Variants in RASGEF1A observed in about 807,000 individuals in gnomAD.
The protein encoded by RASGEF1A is RasGEF domain family member 1A, also known as ras-GEF domain-containing family member 1A.
In RASGEF1A, 18 loss-of-function variants were observed where a neutral mutation model predicts 56.4. The ratio of observed to expected loss-of-function variants is 0.32; its 90% CI spans 0.22 to 0.47. RASGEF1A has a LOEUF of 0.47. RASGEF1A is among the 20% of genes least tolerant of loss of function. The pLI, the probability that RASGEF1A is intolerant of heterozygous loss-of-function variation, is 1.00. For synonymous variants in RASGEF1A, 245 were observed against 242.6 expected (o/e 1.01, Z -0.09); for missense variants, 422 against 627.1 (o/e 0.67, Z 3.49).
chr10:43,199,467 C>A (rs1418458688), intron 7 of RASGEF1A, among the ~76,000 whole-genome samples: 1 of 152,154 alleles, frequency 6.6e-6, no homozygotes, highest in Non-Finnish European at 1.5e-5. Flanking sequence ...GTGCTGGGCA[C>A]AAGGGGAGCA....
chr10:43,196,637 A>G lies in RASGEF1A; in HGVS notation c.1349-89T>C. 2 of 1,223,040 alleles carry G rather than the reference A, an allele frequency of 1.6e-6. No homozygotes were observed. Among genetic ancestry groups the G allele is most frequent in the Non-Finnish European group, 2.4e-6 (2 of 835,748 alleles). 75.8% of individuals were successfully genotyped at this position (1,223,040 alleles called of 1,614,324 possible). On this transcript the variant is annotated intron_variant, in intron 11 of 12. Coordinates refer to ENST00000395810, the MANE Select transcript of RASGEF1A (RefSeq NM_145313.4). This position sits in a 1 kb window ranked among gnomAD's most constrained non-coding sequence, Gnocchi z 4.6. ...TCCCTTCAGGAGTACAGCCCAGCAC[A>G]AGGGGACAGTGACCTCTGGCTGGGC... is the stretch of plus-strand genomic sequence containing the variant.
intron 1 of RASGEF1A, among the ~76,000 whole-genome samples, chr10:43,243,487 C>A (rs1272996843): frequency 6.8e-6 from 1 of 146,466 alleles, no homozygotes; most frequent in East Asian, 2.1e-4. Context: ...CGGCCGCCAC[C>A]CCATCTGGGA....
intron 1 of RASGEF1A, among the ~76,000 whole-genome samples, chr10:43,219,020 G>T (rs1840172465): frequency 6.6e-6 from 1 of 152,208 alleles, no homozygotes; most frequent in African/African-American, 2.4e-5. Context: ...GGCCTGCTCA[G>T]GGCATAGAAC....
chr10:43,238,549 T>A (rs761207383), intron 1 of RASGEF1A, among the ~76,000 whole-genome samples: 17 of 152,360 alleles, frequency 1.1e-4, no homozygotes, highest in Non-Finnish European at 2.4e-4. Flanking sequence ...CATACACTCC[T>A]GCAACTCTGC....
chr10:43,254,644 C>T (rs983044461), intron 1 of RASGEF1A, among the ~76,000 whole-genome samples: 1 of 152,126 alleles, frequency 6.6e-6, no homozygotes, highest in African/African-American at 2.4e-5. Context: ...TGGGTGGGGG[C>T]TAGGTGGGGG....
chr10:43,238,853 C>A (rs1242462046), intron 1 of RASGEF1A, among the ~76,000 whole-genome samples: 2 of 152,186 alleles, frequency 1.3e-5, no homozygotes, highest in East Asian at 3.8e-4. Flanking sequence ...TGGAAAGGGA[C>A]CTGATATCAA....
At chr10:43,216,815 G>A (rs142566261) in intron 1 of RASGEF1A, among the ~76,000 whole-genome samples, 5 of 152,264 alleles carry the variant, frequency 3.3e-5, no homozygotes, top group Non-Finnish European at 7.4e-5. Flanking sequence ...TGGCAGAGGA[G>A]GGGGAAGGAG....
chr10:43,249,299 C>T (rs1469689461), intron 1 of RASGEF1A, among the ~76,000 whole-genome samples: 1 of 152,220 alleles, frequency 6.6e-6, no homozygotes, highest in African/African-American at 2.4e-5. Flanking sequence ...CCACGTCTGA[C>T]CATCTGTATG....
At chr10:43,206,622 G>A (rs1840000132) in intron 1 of RASGEF1A, 37 of 990,178 alleles carry the variant, frequency 3.7e-5, no homozygotes, top group Non-Finnish European at 4.3e-5. Context: ...GGACACACAG[G>A]CTGCATGTGC....
At chr10:43,260,859 A>G (rs1411152937) in intron 1 of RASGEF1A, among the ~76,000 whole-genome samples, 9 of 152,244 alleles carry the variant, frequency 5.9e-5, no homozygotes, top group Non-Finnish European at 2.9e-5. Context: ...TCATTCAAAC[A>G]TGTGTTTCAA....
At chr10:43,197,918 C>A (rs1447817383) in intron 10 of RASGEF1A, 86 bp downstream of exon 10, 2 of 1,241,034 alleles carry the variant, frequency 1.6e-6, no homozygotes, top group Non-Finnish European at 1.1e-6. Context: ...AGGAAACCCA[C>A]AGATCCCGAC....
intron 1 of RASGEF1A, among the ~76,000 whole-genome samples, chr10:43,255,768 G>A (rs542740282): frequency 6.6e-6 from 1 of 152,278 alleles, no homozygotes; most frequent in Admixed American, 6.5e-5. Flanking sequence ...GTGGGAGTAG[G>A]CACAAGTGTT....
At chr10:43,198,896 G>T (rs755930628) in intron 9 of RASGEF1A, 37 bp downstream of exon 9, 1 of 1,584,586 alleles carries the variant, frequency 6.3e-7, no homozygotes, top group Non-Finnish European at 8.6e-7. Flanking sequence ...GACGAAATGG[G>T]TGCAGCTCGC....
chr10:43,265,069 C>A (rs76328608), intron 1 of RASGEF1A, among the ~76,000 whole-genome samples: 1,838 of 152,272 alleles, frequency 0.012, 41 homozygotes, highest in African/African-American at 0.042. Context: ...CCCCTCCCAC[C>A]GCTGGGGGCC....
chr10:43,205,410 G>A (rs750532762), intron 2 of RASGEF1A, among the ~76,000 whole-genome samples: 4 of 152,086 alleles, frequency 2.6e-5, no homozygotes, highest in South Asian at 2.1e-4. Flanking sequence ...AACAGTCCCC[G>A]AGTCAGCCTG....
chr10:43,228,423 G>T (rs544464305), intron 1 of RASGEF1A, among the ~76,000 whole-genome samples: 1 of 152,296 alleles, frequency 6.6e-6, no homozygotes, highest in East Asian at 1.9e-4. Flanking sequence ...AATGAAACGG[G>T]GTGGGGCCGT....
chr10:43,229,532 C>T (rs1234163844), intron 1 of RASGEF1A: 2 of 978,152 alleles, frequency 2.0e-6, no homozygotes, highest in East Asian at 3.3e-5. Flanking sequence ...GGGCGGGCAC[C>T]CTCCCGCACG....
chr10:43,241,893 T>C (rs1840506039), intron 1 of RASGEF1A, among the ~76,000 whole-genome samples: 1 of 152,204 alleles, frequency 6.6e-6, no homozygotes, highest in African/African-American at 2.4e-5. Flanking sequence ...ATCCCAGCAC[T>C]TTGGGAGGCT....
At chr10:43,248,941 A>G (rs553150544) in intron 1 of RASGEF1A, among the ~76,000 whole-genome samples, 76 of 152,294 alleles carry the variant, frequency 5.0e-4, no homozygotes, top group African/African-American at 1.7e-3. Flanking sequence ...GCTGTGGAAA[A>G]AACTAGAGCA....
Sources: allele counts gnomAD v4.1 joint callset (sites outside exome capture counted in the v4.1 genomes callset), GRCh38; gene constraint gnomAD v4.1.1; non-coding constraint Gnocchi (gnomAD v3.1); transcripts MANE v1.5; gene names NCBI Gene and HGNC (gene_info 2026-07-23, HGNC 2026-07-21).